The following KLF16 variants were observed in gnomAD, a reference collection of about 807,000 sequenced individuals.
The protein encoded by KLF16 is KLF transcription factor 16, also known as Krueppel-like factor 16.
Under a neutral mutation model 6.1 loss-of-function variants are expected in KLF16, and 6 were observed. The ratio of observed to expected loss-of-function variants is 0.98; its 90% CI spans 0.54 to 1.93. KLF16 has a LOEUF of 1.93. KLF16 is among the 30% of genes most tolerant of loss of function. The pLI, the probability that KLF16 is intolerant of heterozygous loss-of-function variation, is 0.01. For missense variants in KLF16, 355 were observed against 363.8 expected (o/e 0.98, Z 0.20); for synonymous variants, 211 against 176.5 (o/e 1.20, Z -1.55).
Position 1,857,406 on chromosome 19 carries a change from G to C in KLF16, c.458-2646C>G, listed in dbSNP as rs1005977564. Among the ~76,000 whole-genome samples, 1 of 152,258 alleles carries C rather than the reference G, an allele frequency of 6.6e-6. No homozygotes were observed. Among genetic ancestry groups the C allele is most frequent in the African/African-American group, 2.4e-5 (1 of 41,472 alleles). On this transcript the variant is annotated intron_variant, in intron 1 of 1. Transcript: ENST00000250916. This position sits in a 1 kb window ranked among gnomAD's most constrained non-coding sequence, Gnocchi z 4.7. ...ACGCAGCGCCCTGAGGATGCGGTGG[G>C]TGGGGACAACGCGGGAGGGCAGTGT...
intron 1 of KLF16, among the ~76,000 whole-genome samples, chr19:1,859,545 GT>G (rs1219078074): frequency 5.9e-5 from 9 of 151,780 alleles, no homozygotes; most frequent in Admixed American, 5.9e-4. Flanking sequence ...CCTTGCCGAG[GT>G]GCCCCCTCCC....
At chr19:1,861,976 G>C (rs1221577757) in intron 1 of KLF16, 1 of 152,246 alleles carries the variant, frequency 6.6e-6, no homozygotes, top group Non-Finnish European at 1.5e-5. Context: ...CTATGAAATA[G>C]AGGCAGCATC....
At chr19:1,867,184 A>C (rs1473258570), upstream of KLF16, among the ~76,000 whole-genome samples, 1 of 152,214 alleles carries the variant, frequency 6.6e-6, no homozygotes, top group African/African-American at 2.4e-5. Flanking sequence ...AGGGCAAAGA[A>C]CACAGTCTCC....
At chr19:1,860,725 C>G (rs1314151535) in intron 1 of KLF16, among the ~76,000 whole-genome samples, 1 of 152,202 alleles carries the variant, frequency 6.6e-6, no homozygotes, top group African/African-American at 2.4e-5. Context: ...GGCAGCCATT[C>G]CCTCCCTCCT....
rs979982821 is a variant in KLF16, at chr19:1,853,174, C to T, written c.*1285G>A. On this transcript the variant is annotated 3_prime_UTR_variant, in exon 2 of 2. Transcript: ENST00000250916. ...AGGTGGCCCCCGAGGAACAAGTCCC[C>T]ACCCCACCCAAGTTCAGCTCAGAGA... 2 of 151,902 alleles carry T rather than the reference C, an allele frequency of 1.3e-5. No homozygotes were observed. Among genetic ancestry groups the T allele is most frequent in the African/African-American group, 4.8e-5 (2 of 41,342 alleles). 9.4% of individuals were successfully genotyped at this position (151,902 alleles called of 1,614,324 possible). A position where few individuals can be genotyped will look rare whatever the true frequency, so the allele number is the denominator to read the frequency against.
chr19:1,864,480 T>A, upstream of KLF16, among the ~76,000 whole-genome samples: 1 of 150,058 alleles, frequency 6.7e-6, no homozygotes, highest in East Asian at 2.0e-4. Flanking sequence ...TTGCACCCAG[T>A]TCCGGAGCTA....
upstream of KLF16, among the ~76,000 whole-genome samples, chr19:1,865,539 G>A (rs1360395794): frequency 5.9e-5 from 9 of 152,262 alleles, no homozygotes; most frequent in Non-Finnish European, 1.3e-4. Flanking sequence ...GTAACTGGGA[G>A]GCTAACGATG....
upstream of KLF16, among the ~76,000 whole-genome samples, chr19:1,867,927 C>CGTGTGTGT (rs71174389): frequency 4.4e-3 from 650 of 147,968 alleles, 6 homozygotes; most frequent in East Asian, 0.024. Flanking sequence ...TATGTAAGGA[C>CGTGTGTGT]GTGTGTGTGT....
rs2011980345 is a variant in KLF16, at chr19:1,857,571, C to T, written c.458-2811G>A. On this transcript the variant is annotated intron_variant, in intron 1 of 1. Coordinates refer to ENST00000250916, the MANE Select transcript of KLF16 (RefSeq NM_031918.4). The surrounding 1 kb of genome is among the most constrained non-coding windows in gnomAD (Gnocchi z 4.7). ...TGGCCCGGCCCCGTCTGAGCCGGCA[C>T]AGGAGGGGCCTGGAGACAGGACTGC... 1.3e-5 allele frequency among the ~76,000 whole-genome samples: 2 copies of T among 152,138 alleles called. No homozygotes were observed.
chr19:1,855,266 G>C (rs898199172), intron 1 of KLF16, among the ~76,000 whole-genome samples: 1 of 152,204 alleles, frequency 6.6e-6, no homozygotes, highest in Non-Finnish European at 1.5e-5. Context: ...GGATGCAAAG[G>C]CTGGGTTAAG....
At chr19:1,863,900 T>C (rs1297563168), upstream of KLF16, among the ~76,000 whole-genome samples, 1 of 143,916 alleles carries the variant, frequency 6.9e-6, no homozygotes, top group Non-Finnish European at 1.5e-5. Context: ...CGCGCTAGGG[T>C]GCAAGGCCGG....
chr19:1,862,451 C>CAA (rs1355718505), intron 1 of KLF16, among the ~76,000 whole-genome samples: 2 of 152,118 alleles, frequency 1.3e-5, no homozygotes. Flanking sequence ...GACTCAGGCC[C>CAA]CAACCCGCGC....
the KLF16 span, among the ~76,000 whole-genome samples, chr19:1,869,771 T>A: frequency 6.6e-6 from 1 of 152,106 alleles, no homozygotes; most frequent in South Asian, 2.1e-4. Flanking sequence ...CACGCCCGGC[T>A]AAATTTTTTA....
intron 1 of KLF16, among the ~76,000 whole-genome samples, chr19:1,859,786 G>A (rs1450694328): frequency 6.6e-6 from 1 of 152,204 alleles, no homozygotes; most frequent in Admixed American, 6.5e-5. Flanking sequence ...CCTGCGGCAG[G>A]GGACTTCAGA....
In KLF16 at chr19:1,863,032, T is replaced by G; in HGVS notation, c.457+9A>C. 7.4e-7 allele frequency: 1 copy of G among 1,356,756 alleles called. No individual in the cohort carries two copies. The highest frequency in any genetic ancestry group is 3.6e-5 in the East Asian group (1 of 27,592). 84.0% of individuals were successfully genotyped at this position (1,356,756 alleles called of 1,614,324 possible). On this transcript the variant is annotated intron_variant, in intron 1 of 1. Transcript: ENST00000250916. ...CCCCCGCAAGGGCCGGGATCGCGGC[T>G]GCACTCACCTGTGTGCGTCCGCAGG... is the stretch of plus-strand genomic sequence containing the variant.
At chr19:1,871,675 A>G in the KLF16 span, among the ~76,000 whole-genome samples, 1 of 152,124 alleles carries the variant, frequency 6.6e-6, no homozygotes, top group South Asian at 2.1e-4. Flanking sequence ...GCGGGGGGGC[A>G]GCTGCAAGCT....
chr19:1,859,087 C>T (rs1278835249), intron 1 of KLF16, among the ~76,000 whole-genome samples: 1 of 151,962 alleles, frequency 6.6e-6, no homozygotes, highest in Non-Finnish European at 1.5e-5. Flanking sequence ...TACCCCCCAC[C>T]CCCTATGGCC....
the KLF16 span, among the ~76,000 whole-genome samples, chr19:1,870,558 A>G: frequency 2.6e-5 from 4 of 152,058 alleles, no homozygotes; most frequent in Admixed American, 2.0e-4. Context: ...CGTCCCAGGT[A>G]ATTGGGAGGC....
chr19:1,866,705 G>A (rs1372775961), upstream of KLF16, among the ~76,000 whole-genome samples: 2 of 150,554 alleles, frequency 1.3e-5, no homozygotes, highest in Non-Finnish European at 2.9e-5. Flanking sequence ...GAGCCCAGGA[G>A]GTCAAGGCTG....
Sources: allele counts gnomAD v4.1 joint callset (sites outside exome capture counted in the v4.1 genomes callset), GRCh38; gene constraint gnomAD v4.1.1; non-coding constraint Gnocchi (gnomAD v3.1); transcripts MANE v1.5; gene names NCBI Gene and HGNC (gene_info 2026-07-23, HGNC 2026-07-21).